CDH12: variants seen among roughly 807,000 people sequenced by gnomAD.
The protein encoded by CDH12 is cadherin 12, also known as cadherin-12.
CDH12 carries 41 observed loss-of-function variants against 74.1 expected under a neutral mutation model. The observed-to-expected ratio is 0.55, with a 90% CI of 0.43 to 0.72. CDH12 has a LOEUF of 0.72. Ranked by LOEUF, CDH12 falls within the 30% of genes least tolerant of loss-of-function variation. The pLI is 0.00. For synonymous variants in CDH12, 399 were observed against 355.0 expected (o/e 1.12, Z -1.39); for missense variants, 945 against 977.2 (o/e 0.97, Z 0.44).
intron 1 of CDH12, among the ~76,000 whole-genome samples, chr5:22,610,127 A>T (rs1467089214): frequency 6.6e-6 from 1 of 152,218 alleles, no homozygotes; most frequent in African/African-American, 2.4e-5. Flanking sequence ...GTTTTGTTCA[A>T]TGGAAACTTC....
intron 1 of CDH12, among the ~76,000 whole-genome samples, chr5:22,596,149 A>C (rs1171465032): frequency 2.7e-5 from 4 of 150,842 alleles, no homozygotes; most frequent in Non-Finnish European, 5.9e-5. Context: ...ATAATAATAA[A>C]TAAAAAGCCA....
intron 2 of CDH12, among the ~76,000 whole-genome samples, chr5:22,443,752 G>A (rs933839470): frequency 6.6e-6 from 1 of 152,026 alleles, no homozygotes; most frequent in African/African-American, 2.4e-5. Flanking sequence ...ACAAAGTAAG[G>A]GGTATAAAAT....
intron 6 of CDH12, among the ~76,000 whole-genome samples, chr5:21,928,957 T>C (rs1461565345): frequency 3.3e-5 from 5 of 152,136 alleles, no homozygotes; most frequent in Non-Finnish European, 7.3e-5. Context: ...TCCTTCTTCA[T>C]TCTTTGCTCT....
intron 5 of CDH12, among the ~76,000 whole-genome samples, chr5:22,042,413 A>C (rs1301370521): frequency 6.6e-6 from 1 of 152,156 alleles, no homozygotes; most frequent in East Asian, 1.9e-4. Context: ...AACTAAGAAA[A>C]TAAGGCAGAA....
chr5:22,497,439 C>G (rs554444432), intron 2 of CDH12, among the ~76,000 whole-genome samples: 1 of 152,008 alleles, frequency 6.6e-6, no homozygotes, highest in Non-Finnish European at 1.5e-5. Flanking sequence ...CTTTGCTCAC[C>G]CGTTATTCTG....
At chr5:21,872,123 T>C (rs1028693908) in intron 6 of CDH12, among the ~76,000 whole-genome samples, 1 of 152,080 alleles carries the variant, frequency 6.6e-6, no homozygotes, top group Admixed American at 6.6e-5. Context: ...GATCAGAGCA[T>C]CCAATTTGGT....
rs369431828 is a variant in CDH12 at position 21,752,076 on chromosome 5, T to C, written c.2046A>G (p.Lys682=). 3.1e-6 allele frequency: 5 copies of C among 1,614,004 alleles called. No homozygotes were observed. The African/African-American group carries it at 6.7e-5, about 22-fold the overall frequency. ...AFDIGALRNP[K]VIEENKIRRD... ...TGCGAATTTTGTTCTCCTCAATCAC[T>C]TTTGGGTTTCTCAGAGCCCCGATGT... The change falls in exon 15 of 15, where the codon AAA becomes AAG. Residue 682 remains lysine, a synonymous_variant. Coordinates refer to ENST00000382254, the MANE Select transcript of CDH12 (RefSeq NM_004061.5).
chr5:22,145,710 A>T (rs1747117047), intron 4 of CDH12, among the ~76,000 whole-genome samples: 2 of 152,152 alleles, frequency 1.3e-5, no homozygotes, highest in Non-Finnish European at 2.9e-5. Flanking sequence ...AAAATGGTAT[A>T]AACTGTGGCA....
intron 1 of CDH12, among the ~76,000 whole-genome samples, chr5:22,796,451 T>C (rs1239163933): frequency 6.6e-6 from 1 of 152,154 alleles, no homozygotes; most frequent in African/African-American, 2.4e-5. Flanking sequence ...TGAACATTTT[T>C]TTCATATTCC....
chr5:21,803,226 G>T (rs1017795682), intron 9 of CDH12, among the ~76,000 whole-genome samples: 8 of 151,904 alleles, frequency 5.3e-5, no homozygotes, highest in Admixed American at 5.3e-4. Context: ...TTATTTTATG[G>T]CATCTTATAT....
intron 1 of CDH12, among the ~76,000 whole-genome samples, chr5:22,727,065 A>C (rs967838901): frequency 2.0e-5 from 3 of 151,824 alleles, no homozygotes; most frequent in Non-Finnish European, 3.0e-5. Context: ...TCCAATCTGT[A>C]TATAATAGGA....
intron 5 of CDH12, among the ~76,000 whole-genome samples, chr5:21,991,513 G>A (rs1757749240): frequency 3.7e-4 from 1 of 2,702 alleles, no homozygotes; most frequent in Admixed American, 3.9e-3. Context: ...ATATATATAT[G>A]TTTGTTATAT....
chr5:22,676,632 T>TA (rs1166146767), intron 1 of CDH12, among the ~76,000 whole-genome samples: 1 of 152,172 alleles, frequency 6.6e-6, no homozygotes, highest in Admixed American at 6.6e-5. Context: ...TTGTAAGTAC[T>TA]AAAAATATAG....
chr5:21,780,014 C>T (rs979027121), intron 11 of CDH12, among the ~76,000 whole-genome samples: 2 of 152,032 alleles, frequency 1.3e-5, no homozygotes, highest in African/African-American at 4.8e-5. Context: ...TTACATTGGC[C>T]ACTGAGTAGA....
At chr5:22,272,546 A>G (rs1411300355) in intron 3 of CDH12, among the ~76,000 whole-genome samples, 2 of 152,188 alleles carry the variant, frequency 1.3e-5, no homozygotes, top group Non-Finnish European at 2.9e-5. Flanking sequence ...TCAACTTTCA[A>G]CAGGCCTTTC....
intron 1 of CDH12, among the ~76,000 whole-genome samples, chr5:22,835,776 G>A (rs1736792563): frequency 6.6e-6 from 1 of 152,150 alleles, no homozygotes; most frequent in Non-Finnish European, 1.5e-5. Context: ...TCTCCAGAAA[G>A]CTGTCCTCAA....
chr5:21,791,334 T>G (rs929477246), intron 10 of CDH12, among the ~76,000 whole-genome samples: 2 of 152,052 alleles, frequency 1.3e-5, no homozygotes, highest in Non-Finnish European at 2.9e-5. Context: ...CTGGACAATT[T>G]TGGAAAAGAT....
At chr5:22,119,089 T>G (rs1411687135) in intron 4 of CDH12, among the ~76,000 whole-genome samples, 1 of 152,054 alleles carries the variant, frequency 6.6e-6, no homozygotes, top group African/African-American at 2.4e-5. Flanking sequence ...AGACCTTGAG[T>G]GCTGAGAAAG....
At chr5:22,019,915 C>T (rs1480310520) in intron 5 of CDH12, among the ~76,000 whole-genome samples, 3 of 152,120 alleles carry the variant, frequency 2.0e-5, no homozygotes, top group Non-Finnish European at 4.4e-5. Context: ...AATGCCTGCA[C>T]TAAGTCTCAA....
Sources: allele counts gnomAD v4.1 joint callset (sites outside exome capture counted in the v4.1 genomes callset), GRCh38; gene constraint gnomAD v4.1.1; transcripts MANE v1.5; gene names NCBI Gene and HGNC (gene_info 2026-07-23, HGNC 2026-07-21).